Variants in TEDC2 observed in about 807,000 individuals in gnomAD.
TEDC2 encodes the protein tubulin epsilon and delta complex protein 2.
TEDC2 carries 49 observed loss-of-function variants against 48.1 expected under a neutral mutation model. The ratio of observed to expected loss-of-function variants is 1.02; its 90% CI spans 0.81 to 1.29. The LOEUF is 1.29. Among genes scored for constraint, TEDC2 ranks in the 50% most tolerant of loss-of-function variants. The pLI, the probability that TEDC2 is intolerant of heterozygous loss-of-function variation, is 0.00. For missense variants in TEDC2, 631 were observed against 571.4 expected, an observed-to-expected ratio of 1.10 and a Z score of -1.06; for synonymous variants, 299 against 247.1, an observed-to-expected ratio of 1.21 and a Z score of -1.97.
In TEDC2 at chr16:2,464,820, GC is replaced by G. The variant is rs2065490710; in HGVS notation, c.*154del. On this transcript the variant is annotated 3_prime_UTR_variant, in exon 10 of 10. Coordinates refer to ENST00000361837, the MANE Select transcript of TEDC2 (RefSeq NM_025108.3). The stretch of plus-strand genomic sequence containing the variant: ...CACTGGCTCTTCTCAGGACAACTAA[GC>G]CTGCTGGTCAGGGCTGGCTTTCAGC... 1.4e-5 allele frequency: 15 copies of G among 1,109,888 alleles called. No individual in the cohort carries two copies. In the South Asian group the frequency reaches 2.2e-4, roughly 16 times the overall value. 68.8% of individuals were successfully genotyped at this position (1,109,888 alleles called of 1,614,324 possible). A position where few individuals can be genotyped will look rare whatever the true frequency, so the allele number is the denominator to read the frequency against.
chr16:2,462,769 G>T, intron 8 of TEDC2, 37 bp downstream of exon 8: 1 of 1,499,894 alleles, frequency 6.7e-7, no homozygotes, highest in Non-Finnish European at 8.9e-7. Flanking sequence ...CTGCACTGAG[G>T]TCTGGGCCGG....
chr16:2,460,535 G>A (rs2065459251), intron 2 of TEDC2, 88 bp from the exon 3 acceptor site: 2 of 1,560,180 alleles, frequency 1.3e-6, no homozygotes, highest in East Asian at 2.3e-5. Context: ...TGAGCTGGGG[G>A]CCTGCCGCGG....
chr16:2,463,200 A>G (rs1437033762), intron 8 of TEDC2, among the ~76,000 whole-genome samples: 1 of 152,184 alleles, frequency 6.6e-6, no homozygotes, highest in Non-Finnish European at 1.5e-5. Flanking sequence ...GGGCGCCTGT[A>G]GTCCCAGCTA....
intron 5 of TEDC2, 114 bp downstream of exon 5, chr16:2,461,914 G>A: frequency 7.3e-7 from 1 of 1,364,124 alleles, no homozygotes; most frequent in Non-Finnish European, 1.0e-6. Flanking sequence ...TTTGCTGAGT[G>A]GGATCACTGT....
intron 4 of TEDC2, 130 bp downstream of exon 4, chr16:2,461,354 C>G: frequency 1.6e-6 from 2 of 1,230,140 alleles, no homozygotes; most frequent in South Asian, 1.9e-5. Flanking sequence ...CCCTGAGGCT[C>G]ATGCTCAGAA....
rs775568437 is a variant in TEDC2, at chr16:2,464,154, C to T, written c.1080C>T (p.Ser360=). ...GCCCCCAGCTGCTTGTCTACTCCAG[C>T]ACCCAGGAGCTGCAGACCCTGGCGG... is the stretch of plus-strand genomic sequence containing the variant. ...AWSPQLLVYS[S]TQELQTLAAL... Residue 360 remains serine, a synonymous_variant, in exon 9 of 10, where the codon AGC becomes AGT. Coordinates refer to ENST00000361837, the MANE Select transcript of TEDC2 (RefSeq NM_025108.3). The T allele has an allele frequency of 9.3e-6, 15 of 1,612,714 alleles. No homozygotes were observed. The South Asian group carries it at 1.5e-4, about 17-fold the overall frequency.
chr16:2,464,781 G>T lies in TEDC2; in HGVS notation c.*113G>T. ...GCTTCCCTGGGAAACCTGGTGAACT[G>T]GACCAGGTGGCCTCACTGGCTCTTC... On this transcript the variant is annotated 3_prime_UTR_variant, in exon 10 of 10. Coordinates refer to ENST00000361837, the MANE Select transcript of TEDC2 (RefSeq NM_025108.3). 4 of 1,416,326 alleles carry T rather than the reference G, an allele frequency of 2.8e-6. No individual in the cohort carries two copies. Among genetic ancestry groups the T allele is most frequent in the African/African-American group, 1.4e-5 (1 of 70,694 alleles). 87.7% of individuals were successfully genotyped at this position (1,416,326 alleles called of 1,614,324 possible).
Position 2,461,458 on chromosome 16 carries a change from T to C in TEDC2, c.605+234T>C, listed in dbSNP as rs1224777041. 1.1e-5 allele frequency: 7 copies of C among 665,400 alleles called. No individual in the cohort carries two copies. In the Admixed American group the frequency reaches 1.3e-4, roughly 12 times the overall value. The allele number at this position is 665,400 out of a possible 1,614,324, so 41.2% of individuals were successfully genotyped here. A position where few individuals can be genotyped will look rare whatever the true frequency, so the allele number is the denominator to read the frequency against. ...CCTGTCCTCCTCTCTTCTCTGTGGCTGTCCCCTTATTTGCCCAGGCCAGAG... is the reference window on the plus strand; with the variant it reads ...CCTGTCCTCCTCTCTTCTCTGTGGCCGTCCCCTTATTTGCCCAGGCCAGAG... On this transcript the variant is annotated intron_variant, in intron 4 of 9. Transcript: ENST00000361837.
intron 4 of TEDC2, chr16:2,461,518 T>C (rs750052775): frequency 1.6e-6 from 1 of 635,768 alleles, no homozygotes; most frequent in Non-Finnish European, 2.6e-6. Context: ...TGGGATCTGC[T>C]CACAGGGCCC....
In TEDC2 at chr16:2,462,521, C is replaced by T. The variant is rs376168599; in HGVS notation, c.857C>T (p.Ser286Leu). The change falls in exon 7 of 10, where the codon TCG becomes TTG. Residue 286 changes from serine to leucine, a missense_variant. Transcript: ENST00000361837. ...LLRLRMREEL[S>L]AAPMDWMQEY... ...AGACTGCGCATGAGGGAGGAGCTCT[C>T]GGCAGGTCAGTGGGTCCTGGGTCTG... 5.1e-5 allele frequency: 81 copies of T among 1,599,456 alleles called. No individual in the cohort carries two copies. In the African/African-American group the frequency reaches 1.0e-3, roughly 20 times the overall value.
intron 2 of TEDC2, 56 bp from the exon 3 acceptor site, chr16:2,460,567 C>G: frequency 6.2e-7 from 1 of 1,602,982 alleles, no homozygotes; most frequent in South Asian, 1.1e-5. Flanking sequence ...CCCCTCGGGT[C>G]TGTTTGGGCT....
chr16:2,464,221 T>C lies in TEDC2; in HGVS notation c.1147T>C (p.Leu383=), dbSNP rs768823594. The change falls in exon 9 of 10, where the codon TTG becomes CTG. Residue 383 remains leucine, a synonymous_variant. Coordinates refer to ENST00000361837, the MANE Select transcript of TEDC2 (RefSeq NM_025108.3). ...RVAVLDQQIH[L]EKVLMAELLP... ...GGCTGTGCTGGACCAGCAGATCCACTTGGAAAAGGTGCTTCTGGAAGAGGA... is the reference window on the plus strand; with the variant it reads ...GGCTGTGCTGGACCAGCAGATCCACCTGGAAAAGGTGCTTCTGGAAGAGGA... 6.8e-6 allele frequency: 11 copies of C among 1,611,428 alleles called. No individual in the cohort carries two copies. The highest frequency in any genetic ancestry group is 6.7e-5 in the African/African-American group (5 of 74,828).
chr16:2,461,259 G>A, intron 4 of TEDC2, 35 bp downstream of exon 4: 3 of 1,440,536 alleles, frequency 2.1e-6, no homozygotes, highest in South Asian at 1.5e-5. Flanking sequence ...AGGGACTTCT[G>A]TCTCTGCCTC....
rs144943662 is a variant in TEDC2 at position 2,464,475 on chromosome 16, C to T, written c.1156-47C>T. On this transcript the variant is annotated intron_variant, in intron 9 of 9. Coordinates refer to ENST00000361837, the MANE Select transcript of TEDC2 (RefSeq NM_025108.3). The stretch of plus-strand genomic sequence containing the variant: ...CGAAGCCTGTCCCAGGATTGCCCCC[C>T]GCCTAGGTGCCCCTGAGACCTTGGC... The T allele has an allele frequency of 3.5e-4, 524 of 1,509,824 alleles. 1 individual carries two copies. In the East Asian group the frequency reaches 7.1e-3, roughly 20 times the overall value. The allele number at this position is 1,509,824 out of a possible 1,614,324, so 93.5% of individuals were successfully genotyped here.
In TEDC2 at chr16:2,464,598, C is replaced by G. The variant is rs1315348597; in HGVS notation, c.1232C>G (p.Ala411Gly). The change falls in exon 10 of 10, where the codon GCT becomes GGT. Residue 411 changes from alanine to glycine, a missense_variant. Coordinates refer to ENST00000361837, the MANE Select transcript of TEDC2 (RefSeq NM_025108.3). The part of the protein sequence containing the change: ...QGPPWLALCR[A>G]VHSLLCEGGA... ...CCGCCCTGGCTGGCCCTGTGCCGGGCTGTGCACAGCCTGCTCTGCGAGGGA... is the reference window on the plus strand; with the variant it reads ...CCGCCCTGGCTGGCCCTGTGCCGGGGTGTGCACAGCCTGCTCTGCGAGGGA... 6.2e-7 allele frequency: 1 copy of G among 1,611,106 alleles called. No individual in the cohort carries two copies. The highest frequency in any genetic ancestry group is 1.1e-5 in the South Asian group (1 of 91,072).
chr16:2,462,444 T>G lies in TEDC2; in HGVS notation c.780T>G (p.Ala260=), dbSNP rs2065472559. ...ASGGPQPRLS[A]VEVEAEAGRL... ...GCGGGCCCCAGCCCAGGCTCAGTGC[T>G]GTGGAGGTGGAGGCGGAGGCGGGGC... The change falls in exon 7 of 10, where the codon GCT becomes GCG. Residue 260 remains alanine (A), a synonymous_variant. Coordinates refer to ENST00000361837, the MANE Select transcript of TEDC2 (RefSeq NM_025108.3). The G allele has an allele frequency of 1.2e-6, 2 of 1,611,750 alleles. No individual in the cohort carries two copies. The highest frequency in any genetic ancestry group is 2.7e-5 in the African/African-American group (2 of 74,852).
At chr16:2,463,656 G>A (rs945559753) in intron 8 of TEDC2, among the ~76,000 whole-genome samples, 1 of 151,812 alleles carries the variant, frequency 6.6e-6, no homozygotes, top group African/African-American at 2.4e-5. Flanking sequence ...AAAGTAGCTC[G>A]TGAGAATCAG....
At chr16:2,460,539 G>A (rs2065459289) in intron 2 of TEDC2, 84 bp from the exon 3 acceptor site, 7 of 1,563,570 alleles carry the variant, frequency 4.5e-6, no homozygotes, top group Non-Finnish European at 6.1e-6. Context: ...CTGGGGGCCT[G>A]CCGCGGGGCC....
chr16:2,461,841 C>T (rs1172730533), intron 5 of TEDC2, 41 bp downstream of exon 5: 16 of 1,609,878 alleles, frequency 9.9e-6, no homozygotes, highest in Non-Finnish European at 1.3e-5. Context: ...TAGGGGAGAA[C>T]CGGGAGGCAT....
Sources: allele counts gnomAD v4.1 joint callset (sites outside exome capture counted in the v4.1 genomes callset), GRCh38; gene constraint gnomAD v4.1.1; transcripts MANE v1.5; gene names NCBI Gene and HGNC (gene_info 2026-07-23, HGNC 2026-07-21).